Variants in COBLL1 observed in about 807,000 individuals in gnomAD.
The protein encoded by COBLL1 is cordon-bleu WH2 repeat protein like 1.
COBLL1 carries 50 observed loss-of-function variants against 94.8 expected under a neutral mutation model. The observed-to-expected ratio is 0.53, with a 90% CI of 0.42 to 0.67. COBLL1 has a LOEUF of 0.67. COBLL1 is among the 30% of genes least tolerant of loss of function. COBLL1 has a pLI of 0.00. For synonymous variants in COBLL1, 448 were observed against 473.8 expected, an observed-to-expected ratio of 0.95 and a Z score of 0.71; for missense variants, 1,362 against 1,348.7, an observed-to-expected ratio of 1.01 and a Z score of -0.15.
intron 7 of COBLL1, among the ~76,000 whole-genome samples, chr2:164,711,188 TAAATG>T (rs1684881905): frequency 6.6e-6 from 1 of 152,176 alleles, no homozygotes; most frequent in Admixed American, 6.5e-5. Flanking sequence ...CTGGGATACT[TAAATG>T]AAATATTATA....
chr2:164,675,905 G>A (rs554907527), downstream of COBLL1, among the ~76,000 whole-genome samples: 46 of 152,278 alleles, frequency 3.0e-4, no homozygotes, highest in African/African-American at 1.1e-3. Context: ...GTTATATGGT[G>A]AACTGTGACA....
intron 2 of COBLL1, among the ~76,000 whole-genome samples, chr2:164,784,475 A>G (rs1313380895): frequency 5.3e-5 from 8 of 152,174 alleles, no homozygotes; most frequent in African/African-American, 1.9e-4. Flanking sequence ...TGCTGGATCC[A>G]CATACGTAAT....
intron 2 of COBLL1, among the ~76,000 whole-genome samples, chr2:164,793,583 A>G (rs1466587297): frequency 6.6e-6 from 1 of 152,224 alleles, no homozygotes; most frequent in Non-Finnish European, 1.5e-5. Flanking sequence ...TCAAAAAACT[A>G]AATGACTAAA....
intron 2 of COBLL1, among the ~76,000 whole-genome samples, chr2:164,751,845 T>C (rs1374684184): frequency 1.3e-5 from 2 of 152,122 alleles, no homozygotes; most frequent in Non-Finnish European, 2.9e-5. Flanking sequence ...AATTTTAGAT[T>C]GTATGAAGAC....
intron 1 of COBLL1, among the ~76,000 whole-genome samples, chr2:164,668,371 T>C (rs1334059864): frequency 6.6e-6 from 1 of 152,210 alleles, no homozygotes; most frequent in Non-Finnish European, 1.5e-5. Context: ...TAGAGGCCAC[T>C]GTAGGGTTAA....
At chr2:164,776,981 C>T (rs355880) in intron 2 of COBLL1, among the ~76,000 whole-genome samples, 30,518 of 151,942 alleles carry the variant, frequency 0.2, 3,313 homozygotes, top group Middle Eastern at 0.26. Flanking sequence ...TTCCCATATA[C>T]ACTTTACCTA....
At chr2:164,818,326 A>G (rs994941479) in intron 2 of COBLL1, among the ~76,000 whole-genome samples, 2 of 150,266 alleles carry the variant, frequency 1.3e-5, no homozygotes, top group African/African-American at 4.9e-5. Context: ...GTGTGTATGT[A>G]TACATATATG....
rs542446497 is a variant in COBLL1, at chr2:164,720,869, T to C, written c.996+1206A>G. ...TTACCCTGCAAATTCTTTGTCAGTA[T>C]GTGACTCTATAACTTGACAAAAACA... is the stretch of plus-strand genomic sequence containing the variant. On this transcript the variant is annotated intron_variant, in intron 7 of 13. Coordinates refer to ENST00000652658, the MANE Select transcript of COBLL1 (RefSeq NM_001365672.2). 2.5e-4 allele frequency among the ~76,000 whole-genome samples: 38 copies of C among 152,336 alleles called. 1 individual carries two copies. In the South Asian group the frequency reaches 5.4e-3, roughly 22 times the overall value.
Position 164,695,294 on chromosome 2 carries a change from A to T in COBLL1, c.2098T>A (p.Tyr700Asn), listed in dbSNP as rs772338576. 8.7e-6 allele frequency: 14 copies of T among 1,613,794 alleles called. 1 individual carries two copies. The highest frequency in any genetic ancestry group is 3.3e-4 in the Middle Eastern group (2 of 6,080). The change falls in exon 12 of 14, where the codon TAC becomes AAC. Residue 700 changes from tyrosine to asparagine, a missense_variant. Tyr to Asn is a moderately radical substitution (Grantham distance 143). Coordinates refer to ENST00000652658, the MANE Select transcript of COBLL1 (RefSeq NM_001365672.2). ...DRIDKNSTAS[Y>N]LKNYPLYRQD... ...CTATAAAGTGGGTAATTCTTTAGGT[A>T]AGAAGCAGTGGAATTTTTGTCAATC...
At chr2:164,819,980 C>T (rs893848677) in intron 2 of COBLL1, among the ~76,000 whole-genome samples, 1 of 145,992 alleles carries the variant, frequency 6.8e-6, no homozygotes, top group Admixed American at 6.9e-5. Context: ...CATCTGCCAC[C>T]ATACCTGGCT....
chr2:164,800,203 T>C (rs1036243233), intron 2 of COBLL1, among the ~76,000 whole-genome samples: 1 of 152,148 alleles, frequency 6.6e-6, no homozygotes, highest in African/African-American at 2.4e-5. Context: ...GTATCCAGAA[T>C]ATATAAAGAA....
intron 2 of COBLL1, among the ~76,000 whole-genome samples, chr2:164,803,796 G>A (rs1683948235): frequency 6.6e-6 from 1 of 151,944 alleles, no homozygotes; most frequent in Non-Finnish European, 1.5e-5. Flanking sequence ...GTAAGCCCTA[G>A]AGGTACTTGA....
At chr2:164,677,751 C>A (rs189859578), downstream of COBLL1, among the ~76,000 whole-genome samples, 115 of 152,292 alleles carry the variant, frequency 7.6e-4, no homozygotes, top group Middle Eastern at 3.4e-3. Flanking sequence ...CATTCATGAT[C>A]CCCTTCCAAG....
intron 2 of COBLL1, among the ~76,000 whole-genome samples, chr2:164,783,199 C>T (rs1199149367): frequency 6.6e-6 from 1 of 152,060 alleles, no homozygotes; most frequent in East Asian, 1.9e-4. Context: ...CCCAGGAATT[C>T]CAGATCAGCC....
chr2:164,775,558 A>G (rs355871), intron 2 of COBLL1, among the ~76,000 whole-genome samples: 35,460 of 152,012 alleles, frequency 0.23, 4,791 homozygotes, highest in African/African-American at 0.37. Context: ...CGCCTACCAG[A>G]TTCAAGTAAT....
chr2:164,750,725 A>G (rs1050005947), intron 2 of COBLL1, among the ~76,000 whole-genome samples: 1 of 152,182 alleles, frequency 6.6e-6, no homozygotes, highest in Non-Finnish European at 1.5e-5. Context: ...TGATGAACCC[A>G]AATTCTTTTC....
chr2:164,742,141 C>G (rs916233106), intron 3 of COBLL1, among the ~76,000 whole-genome samples: 1 of 151,438 alleles, frequency 6.6e-6, no homozygotes, highest in Non-Finnish European at 1.5e-5. Flanking sequence ...GGTGACAGGA[C>G]GGAGAGAAAA....
downstream of COBLL1, among the ~76,000 whole-genome samples, chr2:164,677,929 C>A (rs146780068): frequency 1.2e-4 from 18 of 152,310 alleles, 1 homozygote; most frequent in East Asian, 3.5e-3. Context: ...CTCTCCAACA[C>A]TTAGTATTAT....
chr2:164,828,708 C>T (rs1685553804), intron 2 of COBLL1, among the ~76,000 whole-genome samples: 1 of 152,168 alleles, frequency 6.6e-6, no homozygotes, highest in East Asian at 1.9e-4. Flanking sequence ...GACTAAGAAA[C>T]TGACATTTTA....
Sources: gnomAD v4.1 joint callset for allele counts (sites outside exome capture counted in the v4.1 genomes callset) on GRCh38, gnomAD v4.1.1 for gene constraint, MANE v1.5 for transcripts, NCBI Gene and HGNC (gene_info 2026-07-23, HGNC 2026-07-21) for gene names.